Variants in HMGN4 observed in about 807,000 individuals in gnomAD.
HMGN4 encodes the protein high mobility group nucleosome-binding domain-containing protein 4.
For missense variants in HMGN4, 69 were observed against 104.9 expected, an observed-to-expected ratio of 0.66 and a Z score of 1.49; for synonymous variants, 39 against 39.1, an observed-to-expected ratio of 1.00 and a Z score of 0.01.
chr6:26,543,364 A>G (rs902728980), intron 1 of HMGN4, among the ~76,000 whole-genome samples: 21 of 146,588 alleles, frequency 1.4e-4, no homozygotes, highest in Non-Finnish European at 2.2e-4. Context: ...TCTTCAGAAG[A>G]GAGCAGGTCA....
chr6:26,540,740 C>T (rs116018259), intron 1 of HMGN4, among the ~76,000 whole-genome samples: 20 of 152,304 alleles, frequency 1.3e-4, no homozygotes, highest in African/African-American at 4.3e-4. Flanking sequence ...CCCCCAAACA[C>T]GATCTCTCCT....
chr6:26,538,862 G>C (rs892612635), intron 1 of HMGN4, among the ~76,000 whole-genome samples: 2 of 152,186 alleles, frequency 1.3e-5, no homozygotes, highest in Non-Finnish European at 2.9e-5. Context: ...GTGGTGACTG[G>C]CAGGTTGGAC....
At chr6:26,543,508 G>C (rs1300815584) in intron 1 of HMGN4, among the ~76,000 whole-genome samples, 5 of 123,066 alleles carry the variant, frequency 4.1e-5, no homozygotes, top group African/African-American at 1.6e-4. Flanking sequence ...TGCAACCTCC[G>C]CCTCCCAGGT....
At position 26,546,108 on chromosome 6, in the gene HMGN4, A is replaced by G. The variant is rs1363552232; in HGVS notation, c.*629A>G. On this transcript the variant is annotated 3_prime_UTR_variant, in exon 2 of 2. Transcript: ENST00000377575. ...AAAATCTTTCTTGTTCAAAACAGCA[A>G]CGACATATCTTGTTAACTTTTACGG... The G allele has an allele frequency of 6.0e-6, 1 of 167,104 alleles. No individual in the cohort carries two copies. The highest frequency in any genetic ancestry group is 2.1e-4 in the South Asian group (1 of 4,826). The allele number at this position is 167,104 out of a possible 1,614,324, so 10.4% of individuals were successfully genotyped here. A position where few individuals can be genotyped will look rare whatever the true frequency, so the allele number is the denominator to read the frequency against.
chr6:26,538,553 G>GA (rs57870729), intron 1 of HMGN4, 52 bp downstream of exon 1: 1 of 38,470 alleles, frequency 2.6e-5, no homozygotes, highest in Admixed American at 3.3e-4. Flanking sequence ...GGGGCGTGGT[G>GA]GGGGGGGTCC....
At chr6:26,544,823 G>A (rs542237043) in intron 1 of HMGN4, among the ~76,000 whole-genome samples, 4 of 151,992 alleles carry the variant, frequency 2.6e-5, no homozygotes, top group African/African-American at 9.7e-5. Context: ...ATATTTTTAG[G>A]TGCTTATTCC....
intron 1 of HMGN4, 77 bp from the exon 2 acceptor site, chr6:26,545,050 A>G: frequency 1.9e-6 from 1 of 524,706 alleles, no homozygotes; most frequent in Non-Finnish European, 3.3e-6. Flanking sequence ...TATTAACAAT[A>G]TAGTCAATTT....
Position 26,545,647 on chromosome 6 carries a change from T to C in HMGN4, c.*168T>C. ...TTGTGGAAAGGGCAAGTACCACTAA[T>C]AGGGTGTATCTCAGAAACTGAATTG... On this transcript the variant is annotated 3_prime_UTR_variant, in exon 2 of 2. Coordinates refer to ENST00000377575, the MANE Select transcript of HMGN4 (RefSeq NM_006353.3). 3 of 444,284 alleles carry C rather than the reference T, an allele frequency of 6.8e-6. No homozygotes were observed. Among genetic ancestry groups the C allele is most frequent in the Non-Finnish European group, 1.2e-5 (3 of 250,628 alleles). The allele number at this position is 444,284 out of a possible 1,614,324, so 27.5% of individuals were successfully genotyped here.
rs989512101 is a variant in HMGN4 at position 26,542,438 on chromosome 6, C to T, written c.-80-2689C>T. Among the ~76,000 whole-genome samples, 1 of 152,116 alleles carries T rather than the reference C, an allele frequency of 6.6e-6. No individual in the cohort carries two copies. Among genetic ancestry groups the T allele is most frequent in the African/African-American group, 2.4e-5 (1 of 41,426 alleles). ...CTGTATGAAGTTCTGTGGGTTTTGT[C>T]AAGTGCATAACATCTACCATTTTAT... On this transcript the variant is annotated intron_variant, in intron 1 of 1. Transcript: ENST00000377575. This position sits in a 1 kb window ranked among gnomAD's most constrained non-coding sequence, Gnocchi z 4.6.
chr6:26,538,434 C>G lies in HMGN4; in HGVS notation c.-148C>G, dbSNP rs1419081760. On this transcript the variant is annotated 5_prime_UTR_variant, in exon 1 of 2. Transcript: ENST00000377575. ...GGGCTGGTGCTGGCCCTGCCCACGCCTAGGGCTCCGGCGCGTCACGGGCCT... is the reference window on the plus strand; with the variant it reads ...GGGCTGGTGCTGGCCCTGCCCACGCGTAGGGCTCCGGCGCGTCACGGGCCT... 1 of 152,408 alleles carries G rather than the reference C, an allele frequency of 6.6e-6. No individual in the cohort carries two copies. Among genetic ancestry groups the G allele is most frequent in the African/African-American group, 2.4e-5 (1 of 41,454 alleles). 9.4% of individuals were successfully genotyped at this position (152,408 alleles called of 1,614,324 possible).
In HMGN4 at chr6:26,546,352, C is replaced by A. The variant is rs1764350283; in HGVS notation, c.*873C>A. 1.2e-5 allele frequency: 2 copies of A among 166,978 alleles called. No homozygotes were observed. Among genetic ancestry groups the A allele is most frequent in the Non-Finnish European group, 2.9e-5 (2 of 68,114 alleles). 10.3% of individuals were successfully genotyped at this position (166,978 alleles called of 1,614,324 possible). A position where few individuals can be genotyped will look rare whatever the true frequency, so the allele number is the denominator to read the frequency against. ...ACATTTGTCTTTAGTCTGTCCTGAA[C>A]TGATTTTTGTGAAAATTATGAGTTA... On this transcript the variant is annotated 3_prime_UTR_variant, in exon 2 of 2. Transcript: ENST00000377575.
Position 26,538,373 on chromosome 6 carries a change from T to A in HMGN4, c.-209T>A, listed in dbSNP as rs1287619692. The A allele has an allele frequency of 6.6e-6, 1 of 152,486 alleles. No individual in the cohort carries two copies. Among genetic ancestry groups the A allele is most frequent in the Non-Finnish European group, 1.5e-5 (1 of 68,270 alleles). 9.4% of individuals were successfully genotyped at this position (152,486 alleles called of 1,614,324 possible). On this transcript the variant is annotated 5_prime_UTR_variant, in exon 1 of 2. Coordinates refer to ENST00000377575, the MANE Select transcript of HMGN4 (RefSeq NM_006353.3). ...TCACCTTCCCTCGCCTTCCTGTTCC[T>A]GGCGGAGCCGGGCTCCGCTCGTCTT...
chr6:26,541,055 CT>C (rs946172405), intron 1 of HMGN4, among the ~76,000 whole-genome samples: 1 of 151,160 alleles, frequency 6.6e-6, no homozygotes, highest in Admixed American at 6.6e-5. Flanking sequence ...CATTACATTC[CT>C]TTTTTTTTGA....
intron 1 of HMGN4, among the ~76,000 whole-genome samples, chr6:26,539,181 T>C (rs889289268): frequency 6.6e-6 from 1 of 152,250 alleles, no homozygotes; most frequent in Non-Finnish European, 1.5e-5. Flanking sequence ...ATTTCTTTCT[T>C]AGATGTATTA....
chr6:26,539,006 G>C (rs1171755332), intron 1 of HMGN4, among the ~76,000 whole-genome samples: 2 of 152,162 alleles, frequency 1.3e-5, no homozygotes, highest in Non-Finnish European at 2.9e-5. Flanking sequence ...GGATCCCAAA[G>C]TTAAGAAATG....
chr6:26,545,410 C>T lies in HMGN4; in HGVS notation c.204C>T (p.Asn68=), dbSNP rs1188957081. The stretch of plus-strand genomic sequence containing the variant: ...CAGATGCTGGAAAGGATGGGAACAA[C>T]CCTGCAAAAAACCGAGATGCCTCTA... ...GKADAGKDGN[N]PAKNRDASTL... Residue 68 remains asparagine (N), a synonymous_variant, in exon 2 of 2, where the codon AAC becomes AAT. Transcript: ENST00000377575. 1.2e-6 allele frequency: 2 copies of T among 1,609,950 alleles called. No individual in the cohort carries two copies. Among genetic ancestry groups the T allele is most frequent in the South Asian group, 1.1e-5 (1 of 90,544 alleles).
Position 26,545,511 on chromosome 6 carries a change from G to A in HMGN4, c.*32G>A. The A allele has an allele frequency of 6.7e-7, 1 of 1,497,360 alleles. No individual in the cohort carries two copies. Among genetic ancestry groups the A allele is most frequent in the Non-Finnish European group, 8.9e-7 (1 of 1,121,294 alleles). 92.8% of individuals were successfully genotyped at this position (1,497,360 alleles called of 1,614,324 possible). A position where few individuals can be genotyped will look rare whatever the true frequency, so the allele number is the denominator to read the frequency against. Reference sequence around the variant, plus strand: ...CATTTTTGAGAGCTCTGTACTTATAGTGACTCTACTGTTTGAAATACTATT... The same window carrying A: ...CATTTTTGAGAGCTCTGTACTTATAATGACTCTACTGTTTGAAATACTATT... On this transcript the variant is annotated 3_prime_UTR_variant, in exon 2 of 2. Transcript: ENST00000377575.
intron 1 of HMGN4, among the ~76,000 whole-genome samples, chr6:26,544,085 C>G (rs1399701129): frequency 6.6e-6 from 1 of 152,218 alleles, no homozygotes; most frequent in South Asian, 2.1e-4. Flanking sequence ...CAGACACATA[C>G]AATTTTTCTG....
intron 1 of HMGN4, among the ~76,000 whole-genome samples, chr6:26,544,114 C>T (rs138410245): frequency 3.0e-4 from 46 of 152,234 alleles, no homozygotes; most frequent in African/African-American, 1.1e-3. Flanking sequence ...ATAGGTAATA[C>T]TCCAGCCATG....
Sources: allele counts gnomAD v4.1 joint callset (sites outside exome capture counted in the v4.1 genomes callset), GRCh38; gene constraint gnomAD v4.1.1; non-coding constraint Gnocchi (gnomAD v3.1); transcripts MANE v1.5; gene names NCBI Gene and HGNC (gene_info 2026-07-23, HGNC 2026-07-21).